THSD7B: variants seen among roughly 807,000 people sequenced by gnomAD.
The protein encoded by THSD7B is thrombospondin type-1 domain-containing protein 7B.
In THSD7B, 138 loss-of-function variants were observed where a neutral mutation model predicts 213.6. That is an observed-to-expected ratio of 0.65 (90% CI 0.56 to 0.74). The LOEUF is 0.74. Ranked by LOEUF, THSD7B falls within the 30% of genes least tolerant of loss-of-function variation. The pLI, the probability that THSD7B is intolerant of heterozygous loss-of-function variation, is 0.00. For missense variants in THSD7B, 1,931 were observed against 1,991.5 expected (o/e 0.97, Z 0.58); for synonymous variants, 742 against 687.0 (o/e 1.08, Z -1.25).
chr2:136,962,863 C>T (rs1422961277), intron 2 of THSD7B, among the ~76,000 whole-genome samples: 6 of 151,328 alleles, frequency 4.0e-5, no homozygotes, highest in South Asian at 2.1e-4. Flanking sequence ...TTTTTTTTTG[C>T]CAGTTATAAA....
At chr2:137,310,950 C>G (rs1451354786) in intron 12 of THSD7B, among the ~76,000 whole-genome samples, 1 of 151,776 alleles carries the variant, frequency 6.6e-6, no homozygotes, top group African/African-American at 2.4e-5. Flanking sequence ...ATGCCTCCAG[C>G]TTTGTTCTTT....
Position 137,563,354 on chromosome 2 carries a change from G to A in THSD7B, c.3272G>A (p.Arg1091Lys). ...GGAGGAACACAATCTAGGAAAATCA[G>A]GTGTGTGAAAATGGAGAGATTTGGG... ...CGGGTQSRKIRCVNTADGEGG... is the reference protein window; with the variant it reads ...CGGGTQSRKIKCVNTADGEGG... Residue 1091 changes from arginine (R) to lysine (K), a missense_variant and splice_region_variant, in exon 16 of 28, where the codon AGA becomes AAA. Arg to Lys is a conservative substitution (Grantham distance 26). Coordinates refer to ENST00000409968, the MANE Select transcript of THSD7B (RefSeq NM_001316349.2). 3 of 1,612,422 alleles carry A rather than the reference G, an allele frequency of 1.9e-6. No homozygotes were observed. The highest frequency in any genetic ancestry group is 2.5e-6 in the Non-Finnish European group (3 of 1,179,196).
chr2:136,942,687 C>A (rs1406073340), intron 2 of THSD7B, among the ~76,000 whole-genome samples: 1 of 152,032 alleles, frequency 6.6e-6, no homozygotes, highest in African/African-American at 2.4e-5. Context: ...TTGTGATTTT[C>A]GCACATTGAT....
At chr2:137,437,322 A>G (rs1479201249) in intron 14 of THSD7B, among the ~76,000 whole-genome samples, 1 of 152,112 alleles carries the variant, frequency 6.6e-6, no homozygotes, top group Non-Finnish European at 1.5e-5. Context: ...ATGCATTACC[A>G]TTATTGTCTA....
intron 2 of THSD7B, among the ~76,000 whole-genome samples, chr2:136,896,615 T>C (rs181659282): frequency 4.9e-4 from 74 of 152,274 alleles, no homozygotes; most frequent in African/African-American, 1.6e-3. Context: ...TAAGAAATCT[T>C]TGCCCTGTTC....
At chr2:137,072,092 TC>T (rs1222311445) in intron 3 of THSD7B, among the ~76,000 whole-genome samples, 1 of 152,218 alleles carries the variant, frequency 6.6e-6, no homozygotes, top group African/African-American at 2.4e-5. Context: ...CGATGCAGGC[TC>T]TTTTTTGGTT....
At position 137,254,022 on chromosome 2, in the gene THSD7B, G is replaced by A. The variant is rs539187895; in HGVS notation, c.2266+11450G>A. On this transcript the variant is annotated intron_variant, in intron 10 of 27. Transcript: ENST00000409968. ...TAAAAACATCAAATAATTTATGTAT[G>A]GTTAAAAAATCAACAAGCTACTTTA... Among the ~76,000 whole-genome samples, 4 of 152,206 alleles carry A rather than the reference G, an allele frequency of 2.6e-5. No individual in the cohort carries two copies. In the South Asian group the frequency reaches 8.3e-4, roughly 32 times the overall value.
At chr2:137,620,828 A>C in intron 20 of THSD7B, 102 bp downstream of exon 20, 1 of 956,952 alleles carries the variant, frequency 1.0e-6, no homozygotes, top group Non-Finnish European at 1.6e-6. Context: ...ACCCAGCTGA[A>C]GTCAATATGA....
chr2:137,022,888 A>G (rs947137231), intron 2 of THSD7B, among the ~76,000 whole-genome samples: 1 of 152,198 alleles, frequency 6.6e-6, no homozygotes, highest in African/African-American at 2.4e-5. Flanking sequence ...CACAAAATCA[A>G]CTATAGATAA....
chr2:136,981,658 C>A (rs927093033), intron 2 of THSD7B, among the ~76,000 whole-genome samples: 1 of 152,172 alleles, frequency 6.6e-6, no homozygotes, highest in Non-Finnish European at 1.5e-5. Flanking sequence ...AGTTAGTGAA[C>A]CTCAGTTGGG....
intron 1 of THSD7B, among the ~76,000 whole-genome samples, chr2:136,787,541 A>C (rs1238170225): frequency 6.6e-6 from 1 of 152,154 alleles, no homozygotes; most frequent in African/African-American, 2.4e-5. Flanking sequence ...TAAGTTTACA[A>C]AAGGAACCAA....
chr2:137,558,361 C>T (rs1681029686), intron 15 of THSD7B, among the ~76,000 whole-genome samples: 1 of 152,130 alleles, frequency 6.6e-6, no homozygotes, highest in African/African-American at 2.4e-5. Flanking sequence ...AAAGCTTATC[C>T]ACCATGATCA....
intron 12 of THSD7B, among the ~76,000 whole-genome samples, chr2:137,367,651 A>G (rs1365304893): frequency 2.6e-5 from 4 of 152,098 alleles, no homozygotes; most frequent in South Asian, 2.1e-4. Context: ...GAGTGGCAAA[A>G]ACAACAGAAA....
chr2:137,184,593 AT>A (rs879773455), intron 7 of THSD7B, among the ~76,000 whole-genome samples: 1 of 152,152 alleles, frequency 6.6e-6, no homozygotes, highest in Admixed American at 6.6e-5. Context: ...ATCTAGGGGA[AT>A]TTTTTAAAAT....
chr2:136,874,969 G>A (rs1177573674), intron 1 of THSD7B, among the ~76,000 whole-genome samples: 2 of 151,186 alleles, frequency 1.3e-5, no homozygotes, highest in Non-Finnish European at 2.9e-5. Flanking sequence ...ATTGTTTCTT[G>A]TCCTCTCATT....
chr2:137,362,794 T>C (rs1017487103), intron 12 of THSD7B, among the ~76,000 whole-genome samples: 1 of 152,092 alleles, frequency 6.6e-6, no homozygotes, highest in Non-Finnish European at 1.5e-5. Flanking sequence ...ATGGGAGACT[T>C]TAACACCCCA....
intron 4 of THSD7B, among the ~76,000 whole-genome samples, chr2:137,107,797 T>C (rs1245339518): frequency 1.3e-5 from 2 of 152,188 alleles, no homozygotes; most frequent in Non-Finnish European, 1.5e-5. Flanking sequence ...AGTCTATTAA[T>C]AATACATGTG....
intron 15 of THSD7B, among the ~76,000 whole-genome samples, chr2:137,465,573 C>A (rs1558805725): frequency 6.6e-6 from 1 of 152,078 alleles, no homozygotes; most frequent in Non-Finnish European, 1.5e-5. Context: ...GGACTCAGAG[C>A]GGTGATGTGA....
intron 3 of THSD7B, among the ~76,000 whole-genome samples, chr2:137,072,570 CT>C (rs1687519343): frequency 3.3e-5 from 5 of 152,144 alleles, no homozygotes; most frequent in Admixed American, 3.3e-4. Flanking sequence ...TTGACTTCCT[CT>C]TTTCCTAATT....
Sources: gnomAD v4.1 joint callset for allele counts (sites outside exome capture counted in the v4.1 genomes callset) on GRCh38, gnomAD v4.1.1 for gene constraint, MANE v1.5 for transcripts, NCBI Gene and HGNC (gene_info 2026-07-23, HGNC 2026-07-21) for gene names.